CTSH: variants seen among roughly 807,000 people sequenced by gnomAD.
CTSH encodes cathepsin H.
Under a neutral mutation model 56.3 loss-of-function variants are expected in CTSH, and 52 were observed. The ratio of observed to expected loss-of-function variants is 0.92; its 90% CI spans 0.74 to 1.16. The LOEUF (loss-of-function observed/expected upper bound fraction) is 1.16. Ranked by LOEUF, CTSH falls within the 50% of genes most tolerant of loss-of-function variation. The probability of loss-of-function intolerance (pLI) is 0.00; values close to 1 mark genes in which losing one functional copy is unlikely to be tolerated. For synonymous variants in CTSH, 174 were observed against 155.7 expected (o/e 1.12, Z -0.88); for missense variants, 406 against 424.5 (o/e 0.96, Z 0.38).
intron 10 of CTSH, among the ~76,000 whole-genome samples, chr15:78,925,050 C>T (rs983446576): frequency 6.6e-6 from 1 of 152,140 alleles, no homozygotes; most frequent in African/African-American, 2.4e-5. Flanking sequence ...GAGCACAAAG[C>T]TCTCAAATTT....
rs145440619 is a variant in CTSH, at chr15:78,929,625, G to A, written c.549-132C>T. 419 of 594,578 alleles carry A rather than the reference G, an allele frequency of 7.0e-4. 2 individuals are homozygous for A. In the African/African-American group the frequency reaches 7.2e-3, roughly 10 times the overall value. 36.8% of individuals were successfully genotyped at this position (594,578 alleles called of 1,614,324 possible). On this transcript the variant is annotated intron_variant, in intron 7 of 11. Coordinates refer to ENST00000220166, the MANE Select transcript of CTSH (RefSeq NM_004390.5). ...GTTGGGCATGTCCCAGTGGCAGAGGGGGTCTCTGAGAGGCCCAGCCTTGGG... is the reference window on the plus strand; with the variant it reads ...GTTGGGCATGTCCCAGTGGCAGAGGAGGTCTCTGAGAGGCCCAGCCTTGGG...
In CTSH at chr15:78,929,478, C is replaced by G; in HGVS notation, c.564G>C (p.Gln188His). 6.2e-7 allele frequency: 1 copy of G among 1,610,738 alleles called. No homozygotes were observed. Among genetic ancestry groups the G allele is most frequent in the Non-Finnish European group, 8.5e-7 (1 of 1,178,282 alleles). Residue 188 changes from glutamine (Q) to histidine (H), a missense_variant, in exon 8 of 12, where the codon CAG becomes CAC. By Grantham distance (24) the Gln-to-His change is conservative. Coordinates refer to ENST00000220166, the MANE Select transcript of CTSH (RefSeq NM_004390.5). ...NHGCQGGLPS[Q>H]AFEYILYNKG... The stretch of plus-strand genomic sequence containing the variant: ...TGTTGTACAGGATATACTCGAAAGC[C>G]TGGCTGGGGAGACCCCTGCAAGAAG...
At chr15:78,944,738 C>T in intron 1 of CTSH, 153 bp downstream of exon 1, 3 of 1,329,308 alleles carry the variant, frequency 2.3e-6, no homozygotes, top group Non-Finnish European at 2.9e-6. Context: ...ATGCAGTTTA[C>T]CCCTCCCCGT....
At chr15:78,929,284 A>T in intron 8 of CTSH, 128 bp downstream of exon 8, 1 of 759,288 alleles carries the variant, frequency 1.3e-6, no homozygotes, top group Non-Finnish European at 2.3e-6. Context: ...ATTTGGAGAG[A>T]ACAGACAATT....
rs571912721 is a variant in CTSH at position 78,939,099 on chromosome 15, G to T, written c.123+41C>A. On this transcript the variant is annotated intron_variant, in intron 2 of 11. Coordinates refer to ENST00000220166, the MANE Select transcript of CTSH (RefSeq NM_004390.5). ...GTTTGGTTTGATAACAGGAAACTTTGTGAAATGAAAAACTTCAAAAAGAAG... is the reference window on the plus strand; with the variant it reads ...GTTTGGTTTGATAACAGGAAACTTTTTGAAATGAAAAACTTCAAAAAGAAG... 1.9e-6 allele frequency: 3 copies of T among 1,555,278 alleles called. No individual in the cohort carries two copies. The African/African-American group carries it at 4.1e-5, about 21-fold the overall frequency.
chr15:78,930,774 G>C (rs1199694469), intron 7 of CTSH, among the ~76,000 whole-genome samples: 1 of 152,152 alleles, frequency 6.6e-6, no homozygotes, highest in African/African-American at 2.4e-5. Flanking sequence ...AGCCAGCTCA[G>C]AGGGGCTGGG....
intron 9 of CTSH, chr15:78,926,074 C>T (rs2054897712): frequency 6.6e-6 from 1 of 152,380 alleles, no homozygotes; most frequent in African/African-American, 2.4e-5. Context: ...CAGGGTGGGT[C>T]CCAGGCATTG....
rs770162795 is a variant in CTSH at position 78,927,663 on chromosome 15, GCCT to G, written c.699+47_699+49del. 7.0e-5 allele frequency: 107 copies of G among 1,537,426 alleles called. No individual in the cohort carries two copies. The African/African-American group carries it at 9.8e-4, about 14-fold the overall frequency. ...CTGGCTATCCGACAGCATGAGAGAG[GCCT>G]CCTCATCAGGACACATTCCCCATCC... On this transcript the variant is annotated intron_variant, in intron 9 of 11. Transcript: ENST00000220166.
Position 78,931,485 on chromosome 15 carries a change from A to G in CTSH, c.514T>C (p.Cys172Arg). The G allele has an allele frequency of 6.2e-7, 1 of 1,614,222 alleles. No individual in the cohort carries two copies. Among genetic ancestry groups the G allele is most frequent in the Non-Finnish European group, 8.5e-7 (1 of 1,180,040 alleles). ...LSLAEQQLVD[C>R]AQDFNNHGCQ... ...CCGTGATTATTGAAGTCCTGGGCGCAGTCCACCAGCTGCTGTTCCGCCTGG... is the reference window on the plus strand; with the variant it reads ...CCGTGATTATTGAAGTCCTGGGCGCGGTCCACCAGCTGCTGTTCCGCCTGG... The change falls in exon 7 of 12, where the codon TGC (cysteine) becomes CGC (arginine). Residue 172 changes from cysteine (C) to arginine (R), a missense_variant. Transcript: ENST00000220166.
intron 3 of CTSH, chr15:78,936,979 G>A (rs2055189465): frequency 8.3e-6 from 2 of 241,388 alleles, no homozygotes; most frequent in South Asian, 1.2e-4. Context: ...ATGCTCCCAG[G>A]GGCTGCTCTG....
intron 8 of CTSH, 100 bp from the exon 9 acceptor site, chr15:78,927,881 C>A (rs141180232): frequency 1.1e-6 from 1 of 946,558 alleles, no homozygotes; most frequent in South Asian, 1.3e-5. Flanking sequence ...CAAGATGTGC[C>A]AGGGCCTGGG....
intron 5 of CTSH, among the ~76,000 whole-genome samples, chr15:78,932,775 T>TGGCC (rs929957717): frequency 2.0e-5 from 3 of 152,188 alleles, no homozygotes; most frequent in Admixed American, 6.5e-5. Flanking sequence ...CACCTCTTGG[T>TGGCC]GGCCAATCCC....
intron 1 of CTSH, among the ~76,000 whole-genome samples, chr15:78,944,186 T>C (rs920860380): frequency 1.3e-5 from 2 of 151,846 alleles, no homozygotes; most frequent in African/African-American, 4.8e-5. Flanking sequence ...CCAGGGACAG[T>C]AGGAAAGGAG....
At chr15:78,936,396 G>C (rs1455920551) in intron 3 of CTSH, among the ~76,000 whole-genome samples, 1 of 151,488 alleles carries the variant, frequency 6.6e-6, no homozygotes, top group Admixed American at 6.6e-5. Context: ...TGGCCAGGCT[G>C]GTCTCGAACT....
chr15:78,934,152 A>C (rs768276105), intron 5 of CTSH, among the ~76,000 whole-genome samples: 1 of 152,246 alleles, frequency 6.6e-6, no homozygotes, highest in Non-Finnish European at 1.5e-5. Context: ...TTAAACATCC[A>C]GCACTTGGCA....
rs186563508 is a variant in CTSH at position 78,923,647 on chromosome 15, C to G, written c.807-529G>C. Among the ~76,000 whole-genome samples the G allele has an allele frequency of 2.3e-3, 347 of 152,232 alleles. 3 individuals are homozygous for G. Among genetic ancestry groups the G allele is most frequent in the Non-Finnish European group, 3.1e-4 (21 of 68,018 alleles). On this transcript the variant is annotated intron_variant, in intron 10 of 11. Coordinates refer to ENST00000220166, the MANE Select transcript of CTSH (RefSeq NM_004390.5). The stretch of plus-strand genomic sequence containing the variant: ...GGAGAATCTCCATATGGTGCTGGCC[C>G]GTGTCTCACCCCTGACACTTTCTAC...
chr15:78,921,375 GAAAT>G lies in CTSH; in HGVS notation c.*751_*754del, dbSNP rs952567172. On this transcript the variant is annotated 3_prime_UTR_variant, in exon 12 of 12. Transcript: ENST00000220166. ...ACGACAGGAGCATCTGGGCACGTTT[GAAAT>G]AAATAAGGGGTTGGTGAGGAAGGGG... The G allele has an allele frequency of 6.6e-6, 1 of 152,206 alleles. No individual in the cohort carries two copies. Among genetic ancestry groups the G allele is most frequent in the Non-Finnish European group, 1.5e-5 (1 of 68,088 alleles). 9.4% of individuals were successfully genotyped at this position (152,206 alleles called of 1,614,324 possible).
intron 7 of CTSH, among the ~76,000 whole-genome samples, chr15:78,929,746 G>A (rs1232121090): frequency 2.0e-5 from 3 of 152,174 alleles, no homozygotes; most frequent in African/African-American, 7.2e-5. Context: ...CAGCCGCTCT[G>A]TCAGGAGTGC....
chr15:78,923,414 C>T (rs1041303229), intron 10 of CTSH, among the ~76,000 whole-genome samples: 7 of 152,172 alleles, frequency 4.6e-5, no homozygotes, highest in Non-Finnish European at 8.8e-5. Context: ...CTCAGACTCC[C>T]GAGTAGCCTG....
Sources: allele counts gnomAD v4.1 joint callset (sites outside exome capture counted in the v4.1 genomes callset), GRCh38; gene constraint gnomAD v4.1.1; transcripts MANE v1.5; gene names NCBI Gene and HGNC (gene_info 2026-07-23, HGNC 2026-07-21).